Variants in SLC17A1 observed in about 807,000 individuals in gnomAD.
SLC17A1 encodes the protein solute carrier family 17 member 1.
A neutral mutation model predicts 53.5 loss-of-function variants in SLC17A1; 51 were observed. The ratio of observed to expected loss-of-function variants is 0.95; its 90% CI spans 0.76 to 1.20. The LOEUF is 1.20. SLC17A1 is among the 50% of genes most tolerant of loss of function. The pLI is 0.00. For missense variants in SLC17A1, 538 were observed against 568.2 expected (o/e 0.95, Z 0.54); for synonymous variants, 179 against 198.8 (o/e 0.90, Z 0.84).
In SLC17A1 at chr6:25,813,157, T is replaced by C; in HGVS notation, c.673A>G (p.Lys225Glu). 1 of 1,614,154 alleles carries C rather than the reference T, an allele frequency of 6.2e-7. No homozygotes were observed. The highest frequency in any genetic ancestry group is 8.5e-7 in the Non-Finnish European group (1 of 1,180,016). Residue 225 changes from lysine to glutamate, a missense_variant, in exon 7 of 13, where the codon AAA becomes GAA. Coordinates refer to ENST00000244527, the MANE Select transcript of SLC17A1 (RefSeq NM_005074.5). ...LWFVLFYDDPKDHPCISISEK... is the reference protein window; with the variant it reads ...LWFVLFYDDPEDHPCISISEK... ...CTGATGCTTATACATGGGTGGTCTT[T>C]GGGGTCATCATAAAACAGAACGAAC...
the SLC17A1 span, chr6:25,769,269 T>G: frequency 7.7e-7 from 1 of 1,304,676 alleles, no homozygotes; most frequent in African/African-American, 1.5e-5. Context: ...TGAGATTCAT[T>G]TAACCACTAA....
At chr6:25,751,686 C>T in the SLC17A1 span, among the ~76,000 whole-genome samples, 2 of 152,158 alleles carry the variant, frequency 1.3e-5, no homozygotes. Flanking sequence ...TTATTATAAG[C>T]AACTGAGATT....
the SLC17A1 span, chr6:25,726,459 A>G: frequency 1.2e-6 from 2 of 1,613,810 alleles, no homozygotes; most frequent in Non-Finnish European, 1.7e-6. Flanking sequence ...GAAACTGCAA[A>G]CCCGCTCTAG....
At chr6:25,746,947 C>A in the SLC17A1 span, among the ~76,000 whole-genome samples, 1 of 152,188 alleles carries the variant, frequency 6.6e-6, no homozygotes, top group African/African-American at 2.4e-5. Flanking sequence ...CTGATTGATT[C>A]ATCAGGGATA....
chr6:25,818,364 C>T (rs1044491230), intron 6 of SLC17A1, among the ~76,000 whole-genome samples: 3 of 152,136 alleles, frequency 2.0e-5, no homozygotes, highest in Non-Finnish European at 4.4e-5. Context: ...CTAGATATTC[C>T]GAGCTCCTGT....
intron 5 of SLC17A1, 111 bp downstream of exon 5, chr6:25,819,400 A>T: frequency 1.1e-6 from 1 of 903,922 alleles, no homozygotes; most frequent in Non-Finnish European, 1.7e-6. Flanking sequence ...GAAACAGATG[A>T]TTTCCAAAGC....
the SLC17A1 span, chr6:25,773,193 G>A: frequency 9.1e-7 from 1 of 1,097,994 alleles, no homozygotes; most frequent in Non-Finnish European, 1.4e-6. Flanking sequence ...CAGTCACTCT[G>A]TCAACCACAG....
At chr6:25,781,344 G>C (rs1488271115), downstream of SLC17A1, among the ~76,000 whole-genome samples, 1 of 152,118 alleles carries the variant, frequency 6.6e-6, no homozygotes, top group East Asian at 1.9e-4. Flanking sequence ...CTAAGAAAGG[G>C]AAGGGAAGAG....
chr6:25,747,097 A>G, the SLC17A1 span, among the ~76,000 whole-genome samples: 2 of 152,226 alleles, frequency 1.3e-5, no homozygotes, highest in African/African-American at 4.8e-5. Flanking sequence ...CATGATGTTT[A>G]AGGCTGCAGA....
chr6:25,776,653 G>A, the SLC17A1 span: 1 of 1,613,824 alleles, frequency 6.2e-7, no homozygotes, highest in Non-Finnish European at 8.5e-7. Context: ...ATCCTTGGAG[G>A]TCTACTGGCA....
At chr6:25,776,710 A>G in the SLC17A1 span, 1 of 1,613,950 alleles carries the variant, frequency 6.2e-7, no homozygotes, top group South Asian at 1.1e-5. Flanking sequence ...ACCATCAGGA[A>G]ACTCTTCACT....
chr6:25,823,987 A>G (rs539734191), intron 3 of SLC17A1, among the ~76,000 whole-genome samples: 10 of 152,128 alleles, frequency 6.6e-5, no homozygotes, highest in South Asian at 6.2e-4. Context: ...TTCAGAGGCA[A>G]TTCAGTGGAG....
At chr6:25,751,810 C>T in the SLC17A1 span, among the ~76,000 whole-genome samples, 1 of 151,906 alleles carries the variant, frequency 6.6e-6, no homozygotes, top group Admixed American at 6.6e-5. Flanking sequence ...ACTTGCCATA[C>T]CTCAAGACCT....
At chr6:25,727,380 G>A in the SLC17A1 span, 7 of 1,134,310 alleles carry the variant, frequency 6.2e-6, no homozygotes, top group East Asian at 1.8e-4. Context: ...TCGTTTTTGT[G>A]TAGTTTCTAA....
At chr6:25,813,933 C>T in intron 6 of SLC17A1, among the ~76,000 whole-genome samples, 1 of 152,296 alleles carries the variant, frequency 6.6e-6, no homozygotes, top group Non-Finnish European at 1.5e-5. Context: ...TTTATGGCTG[C>T]ATAGTATTCA....
the SLC17A1 span, among the ~76,000 whole-genome samples, chr6:25,760,696 C>T: frequency 1.3e-5 from 2 of 152,180 alleles, no homozygotes; most frequent in Non-Finnish European, 1.5e-5. Flanking sequence ...GTACAATTTA[C>T]ATAGCTCATT....
chr6:25,741,841 A>G, the SLC17A1 span, among the ~76,000 whole-genome samples: 1 of 152,114 alleles, frequency 6.6e-6, no homozygotes, highest in African/African-American at 2.4e-5. Flanking sequence ...CAGAGGTTGC[A>G]GTGAGTGGAG....
the SLC17A1 span, among the ~76,000 whole-genome samples, chr6:25,758,194 C>T: frequency 6.6e-6 from 1 of 152,188 alleles, no homozygotes; most frequent in African/African-American, 2.4e-5. Context: ...GGACATATGT[C>T]AAGCTCCCTG....
the SLC17A1 span, among the ~76,000 whole-genome samples, chr6:25,729,739 C>A: frequency 1.5e-5 from 2 of 137,318 alleles, no homozygotes; most frequent in Non-Finnish European, 3.3e-5. Context: ...GCTTTCCGTG[C>A]ATTTTTTTTT....
Sources: allele counts gnomAD v4.1 joint callset (sites outside exome capture counted in the v4.1 genomes callset), GRCh38; gene constraint gnomAD v4.1.1; transcripts MANE v1.5; gene names NCBI Gene and HGNC (gene_info 2026-07-23, HGNC 2026-07-21).